CHST9: variants seen among roughly 807,000 people sequenced by gnomAD.
The protein encoded by CHST9 is GalNAc-4-sulfotransferase 2.
In CHST9, 41 loss-of-function variants were observed where a neutral mutation model predicts 44.4. The observed-to-expected ratio is 0.92, with a 90% CI of 0.72 to 1.20. The LOEUF is 1.20. Ranked by LOEUF, CHST9 falls within the 50% of genes most tolerant of loss-of-function variation. CHST9 has a pLI of 0.00. For synonymous variants in CHST9, 171 were observed against 178.4 expected (o/e 0.96, Z 0.33); for missense variants, 504 against 516.5 (o/e 0.98, Z 0.23).
chr18:27,026,472 T>C (rs566527632), intron 3 of CHST9, among the ~76,000 whole-genome samples: 240 of 152,316 alleles, frequency 1.6e-3, no homozygotes, highest in African/African-American at 5.2e-3. Flanking sequence ...CAATTTATTT[T>C]TTATCTTTTG....
intron 4 of CHST9, among the ~76,000 whole-genome samples, chr18:26,983,778 G>T (rs1318377543): frequency 6.6e-6 from 1 of 152,112 alleles, no homozygotes; most frequent in African/African-American, 2.4e-5. Context: ...GAAAACCACT[G>T]CCATAGGCAA....
intron 2 of CHST9, among the ~76,000 whole-genome samples, chr18:27,110,312 A>T: frequency 6.6e-6 from 1 of 150,556 alleles, no homozygotes; most frequent in East Asian, 2.0e-4. Flanking sequence ...TTTTCTATTT[A>T]CCTCTTTCTG....
chr18:27,006,885 C>T (rs2057023162), intron 4 of CHST9, among the ~76,000 whole-genome samples: 1 of 152,168 alleles, frequency 6.6e-6, no homozygotes, highest in African/African-American at 2.4e-5. Context: ...GTGATCCTGT[C>T]ATGGCAATAT....
intron 4 of CHST9, among the ~76,000 whole-genome samples, chr18:26,946,962 G>T (rs935761882): frequency 1.1e-4 from 16 of 152,124 alleles, no homozygotes; most frequent in African/African-American, 3.9e-4. Flanking sequence ...GATGCCTCCA[G>T]CTTTGTTCTT....
intron 5 of CHST9, among the ~76,000 whole-genome samples, chr18:26,925,381 T>C (rs2055747269): frequency 6.6e-6 from 1 of 152,218 alleles, no homozygotes; most frequent in Non-Finnish European, 1.5e-5. Context: ...TTTTACAGAT[T>C]AAGAACCTGA....
intron 2 of CHST9, among the ~76,000 whole-genome samples, chr18:27,063,087 T>A (rs188182979): frequency 6.6e-6 from 1 of 152,262 alleles, no homozygotes; most frequent in East Asian, 1.9e-4. Flanking sequence ...CTAGCACACA[T>A]GCATTGTCTC....
intron 4 of CHST9, among the ~76,000 whole-genome samples, chr18:26,964,290 G>A (rs1161868586): frequency 2.0e-5 from 3 of 152,114 alleles, no homozygotes; most frequent in Non-Finnish European, 2.9e-5. Flanking sequence ...TTCAGTTGAC[G>A]ACCTTAACAA....
At chr18:27,054,641 G>A (rs1568152008) in intron 2 of CHST9, among the ~76,000 whole-genome samples, 1 of 152,112 alleles carries the variant, frequency 6.6e-6, no homozygotes, top group Admixed American at 6.6e-5. Context: ...GTACATTTCA[G>A]TACTTCAGTA....
intron 4 of CHST9, among the ~76,000 whole-genome samples, chr18:26,968,957 C>T (rs976345447): frequency 2.0e-5 from 3 of 151,988 alleles, no homozygotes; most frequent in Non-Finnish European, 4.4e-5. Flanking sequence ...TCTATCTACA[C>T]TCACTCTGTT....
intron 1 of CHST9, among the ~76,000 whole-genome samples, chr18:27,180,900 T>C (rs2058906773): frequency 6.6e-6 from 1 of 152,152 alleles, no homozygotes. Context: ...CCAACCACAA[T>C]ATTTCTTTTA....
intron 1 of CHST9, among the ~76,000 whole-genome samples, chr18:27,171,703 C>CA (rs951274408): frequency 3.3e-5 from 5 of 151,898 alleles, no homozygotes; most frequent in East Asian, 1.9e-4. Flanking sequence ...AAAGGCAAAA[C>CA]AAAAAACAAA....
intron 2 of CHST9, among the ~76,000 whole-genome samples, chr18:27,085,785 T>G (rs2058007045): frequency 6.6e-6 from 1 of 152,118 alleles, no homozygotes; most frequent in Non-Finnish European, 1.5e-5. Flanking sequence ...CCCAAAGGAA[T>G]ATAAATTCTT....
chr18:27,057,765 GGCATAGCGT>G (rs2057674724), intron 2 of CHST9, among the ~76,000 whole-genome samples: 1 of 152,090 alleles, frequency 6.6e-6, no homozygotes, highest in Admixed American at 6.5e-5. Context: ...TCTGCCATCC[GGCATAGCGT>G]GGAGAAAGCT....
intron 3 of CHST9, among the ~76,000 whole-genome samples, chr18:27,026,752 C>T (rs1568138611): frequency 6.6e-6 from 1 of 152,140 alleles, no homozygotes; most frequent in Non-Finnish European, 1.5e-5. Flanking sequence ...GATTGCTTCA[C>T]AAACAGAAAT....
rs1337619450 is a variant in CHST9, at chr18:26,993,389, G to A, written c.202+30727C>T. Among the ~76,000 whole-genome samples, 3 of 152,104 alleles carry A rather than the reference G, an allele frequency of 2.0e-5. No individual in the cohort carries two copies. In the East Asian group the frequency reaches 5.8e-4, roughly 29 times the overall value. ...AACTTTTAGGTCCAGAAATGAAGGTGGTTTTAAAATGGTATTAGTAAACTA... is the reference window on the plus strand; with the variant it reads ...AACTTTTAGGTCCAGAAATGAAGGTAGTTTTAAAATGGTATTAGTAAACTA... On this transcript the variant is annotated intron_variant, in intron 4 of 5. Transcript: ENST00000618847.
At chr18:26,957,204 A>C (rs1049386960) in intron 4 of CHST9, among the ~76,000 whole-genome samples, 2 of 152,218 alleles carry the variant, frequency 1.3e-5, no homozygotes, top group East Asian at 3.8e-4. Context: ...AACACTGAGA[A>C]TAAAAAGGAT....
chr18:27,118,911 A>C (rs1404854466), intron 2 of CHST9, among the ~76,000 whole-genome samples: 2 of 151,096 alleles, frequency 1.3e-5, no homozygotes, highest in Non-Finnish European at 3.0e-5. Context: ...AAATAATGAA[A>C]TCATTAATTA....
chr18:27,043,176 G>A (rs1445093611), intron 3 of CHST9, among the ~76,000 whole-genome samples: 1 of 151,804 alleles, frequency 6.6e-6, no homozygotes, highest in Non-Finnish European at 1.5e-5. Context: ...GTTAATGTTG[G>A]GGATGTTCTA....
At chr18:26,952,337 C>A in intron 4 of CHST9, 1 of 503,548 alleles carries the variant, frequency 2.0e-6, no homozygotes, top group East Asian at 5.5e-5. Context: ...CAACTATGTC[C>A]TCAGGCAGGT....
Sources: gnomAD v4.1 joint callset for allele counts (sites outside exome capture counted in the v4.1 genomes callset) on GRCh38, gnomAD v4.1.1 for gene constraint, MANE v1.5 for transcripts, NCBI Gene and HGNC (gene_info 2026-07-23, HGNC 2026-07-21) for gene names.